The following RETREG1 variants were observed in gnomAD, a reference collection of about 807,000 sequenced individuals.
The protein encoded by RETREG1 is family with sequence similarity 134 member B.
Under a neutral mutation model 54.8 loss-of-function variants are expected in RETREG1, and 44 were observed. That is an observed-to-expected ratio of 0.80 (90% confidence interval 0.63 to 1.03). The LOEUF is 1.03. Ranked by LOEUF, RETREG1 falls within the 50% of genes least tolerant of loss-of-function variation. The pLI, the probability that RETREG1 is intolerant of heterozygous loss-of-function variation, is 0.00. For synonymous variants in RETREG1, 217 were observed against 238.5 expected (o/e 0.91, Z 0.83); for missense variants, 554 against 605.1 (o/e 0.92, Z 0.89).
At chr5:16,604,501 G>A (rs985407302) in intron 1 of RETREG1, among the ~76,000 whole-genome samples, 15 of 152,234 alleles carry the variant, frequency 9.9e-5, no homozygotes, top group African/African-American at 3.6e-4. Flanking sequence ...ATTGTCAAAA[G>A]AAGAATGGCT....
chr5:16,534,049 C>T (rs1299180808), intron 3 of RETREG1, among the ~76,000 whole-genome samples: 1 of 151,354 alleles, frequency 6.6e-6, no homozygotes, highest in African/African-American at 2.4e-5. Flanking sequence ...ACTTATAAGT[C>T]GGAAAATTCT....
In RETREG1 at chr5:16,475,827, A is replaced by G. The variant is rs191363585; in HGVS notation, c.1001-593T>C. The stretch of plus-strand genomic sequence containing the variant: ...TCTATAACTATAGCTGAAACTGACC[A>G]TACCAAGATTTAGGACATTTGAAAG... On this transcript the variant is annotated intron_variant, in intron 8 of 8. Transcript: ENST00000306320. Among the ~76,000 whole-genome samples the G allele has an allele frequency of 1.9e-3, 292 of 152,310 alleles. 3 individuals carry two copies. Among genetic ancestry groups the G allele is most frequent in the African/African-American group, 6.9e-3 (285 of 41,572 alleles).
intron 2 of RETREG1, 123 bp from the exon 3 acceptor site, chr5:16,565,916 AC>A: frequency 9.7e-7 from 1 of 1,031,324 alleles, no homozygotes; most frequent in Non-Finnish European, 1.5e-6. Context: ...CACTCAGGAC[AC>A]CATCAAGTCA....
rs766701028 is a variant in RETREG1, at chr5:16,477,684, A to G, written c.978T>C (p.Thr326=). The G allele has an allele frequency of 6.2e-7, 1 of 1,613,110 alleles. No individual in the cohort carries two copies. Among genetic ancestry groups the G allele is most frequent in the South Asian group, 1.1e-5 (1 of 91,064 alleles). Residue 326 remains threonine (T), a synonymous_variant, in exon 8 of 9, where the codon ACT becomes ACC. Transcript: ENST00000306320. ...TACCATCAGAAGTGTCTGTCTGTGGAGTGTATCCTTCTGAAAGGTTGAAGG... is the reference window on the plus strand; with the variant it reads ...TACCATCAGAAGTGTCTGTCTGTGGGGTGTATCCTTCTGAAAGGTTGAAGG... ...NGTFNLSEGY[T]PQTDTSDDLD...
At chr5:16,606,390 C>G (rs1031787108) in intron 1 of RETREG1, among the ~76,000 whole-genome samples, 2 of 152,162 alleles carry the variant, frequency 1.3e-5, no homozygotes, top group Non-Finnish European at 2.9e-5. Flanking sequence ...AAATTTCACA[C>G]GTTCCCAAGG....
At chr5:16,546,984 T>C (rs192260135) in intron 3 of RETREG1, among the ~76,000 whole-genome samples, 4 of 152,348 alleles carry the variant, frequency 2.6e-5, no homozygotes, top group Non-Finnish European at 4.4e-5. Context: ...TCTCTTGTTA[T>C]TTCTACCACC....
At chr5:16,489,496 T>C (rs1310988953) in intron 3 of RETREG1, among the ~76,000 whole-genome samples, 1 of 152,224 alleles carries the variant, frequency 6.6e-6, no homozygotes, top group African/African-American at 2.4e-5. Flanking sequence ...AGACAGAACA[T>C]GTGCTAGCAG....
At chr5:16,485,819 A>G (rs184710561) in intron 3 of RETREG1, among the ~76,000 whole-genome samples, 22 of 152,302 alleles carry the variant, frequency 1.4e-4, no homozygotes, top group African/African-American at 4.3e-4. Context: ...CATTTATTCA[A>G]TAAAAAGTTA....
intron 3 of RETREG1, among the ~76,000 whole-genome samples, chr5:16,516,438 C>T (rs6888052): frequency 1.3e-5 from 2 of 152,034 alleles, no homozygotes; most frequent in South Asian, 2.1e-4. Flanking sequence ...ACAGCACAAC[C>T]GAATCTCCAG....
chr5:16,500,124 T>G (rs778544685), intron 3 of RETREG1, among the ~76,000 whole-genome samples: 1 of 152,212 alleles, frequency 6.6e-6, no homozygotes, highest in Non-Finnish European at 1.5e-5. Flanking sequence ...GAGGGTGAGC[T>G]TGTCCATACG....
At chr5:16,577,542 G>A (rs538338115) in intron 1 of RETREG1, among the ~76,000 whole-genome samples, 2 of 152,148 alleles carry the variant, frequency 1.3e-5, no homozygotes, top group Admixed American at 6.5e-5. Flanking sequence ...CTGAGAGGTG[G>A]AGCTCGTCGG....
intron 1 of RETREG1, among the ~76,000 whole-genome samples, chr5:16,599,460 T>C (rs1239754943): frequency 6.6e-6 from 1 of 152,166 alleles, no homozygotes; most frequent in African/African-American, 2.4e-5. Context: ...ACACAGTATT[T>C]TGGAAAAGAA....
chr5:16,533,440 G>A (rs1315377375), intron 3 of RETREG1, among the ~76,000 whole-genome samples: 1 of 152,178 alleles, frequency 6.6e-6, no homozygotes, highest in Non-Finnish European at 1.5e-5. Context: ...TCTCCCAGGA[G>A]AAATGCCATA....
chr5:16,571,199 G>A (rs189028521), intron 2 of RETREG1, among the ~76,000 whole-genome samples: 60 of 152,220 alleles, frequency 3.9e-4, no homozygotes, highest in African/African-American at 1.3e-3. Context: ...AGATATCCCT[G>A]CCAGGACTAT....
At chr5:16,479,872 G>A (rs549099763) in intron 5 of RETREG1, among the ~76,000 whole-genome samples, 3 of 152,032 alleles carry the variant, frequency 2.0e-5, no homozygotes, top group African/African-American at 4.8e-5. Flanking sequence ...AAATATGGGG[G>A]TATGTTAAGT....
chr5:16,567,685 G>T (rs530951480), intron 2 of RETREG1, among the ~76,000 whole-genome samples: 1 of 152,134 alleles, frequency 6.6e-6, no homozygotes, highest in Non-Finnish European at 1.5e-5. Flanking sequence ...GGGCAGGCAC[G>T]CTGACTCACA....
chr5:16,491,715 T>C (rs2126534334), intron 3 of RETREG1, among the ~76,000 whole-genome samples: 1 of 152,228 alleles, frequency 6.6e-6, no homozygotes, highest in African/African-American at 2.4e-5. Flanking sequence ...TAAAATGCCT[T>C]CAAAATTAGC....
intron 3 of RETREG1, among the ~76,000 whole-genome samples, chr5:16,542,081 G>T (rs1741268057): frequency 6.6e-6 from 1 of 152,196 alleles, no homozygotes; most frequent in African/African-American, 2.4e-5. Context: ...AAGCAGGAAA[G>T]TTGGTGAGTT....
rs374888485 is a variant in RETREG1, at chr5:16,502,844, C to T, written c.459-19372G>A. On this transcript the variant is annotated intron_variant, in intron 3 of 8. Coordinates refer to ENST00000306320, the MANE Select transcript of RETREG1 (RefSeq NM_001034850.3). ...ATGCCCACATAGTTTCTGCAGGACC[C>T]AGATTAGCCCACTGTGGAGAAGCAG... Among the ~76,000 whole-genome samples the T allele has an allele frequency of 1.4e-4, 21 of 152,326 alleles. 1 individual carries two copies. Among genetic ancestry groups the T allele is most frequent in the African/African-American group, 4.6e-4 (19 of 41,580 alleles).
Sources: gnomAD v4.1 joint callset for allele counts (sites outside exome capture counted in the v4.1 genomes callset) on GRCh38, gnomAD v4.1.1 for gene constraint, MANE v1.5 for transcripts, NCBI Gene and HGNC (gene_info 2026-07-23, HGNC 2026-07-21) for gene names.